The following LRMDA variants were observed in gnomAD, a reference collection of about 807,000 sequenced individuals.
LRMDA encodes leucine rich melanocyte differentiation associated, also known as leucine-rich melanocyte differentiation-associated protein.
LRMDA carries 18 observed loss-of-function variants against 29.8 expected under a neutral mutation model. That is an observed-to-expected ratio of 0.60 (90% confidence interval 0.42 to 0.90). The LOEUF is 0.90. Among genes scored for constraint, LRMDA ranks in the 40% least tolerant of loss-of-function variants. The probability of loss-of-function intolerance (pLI) is 0.00; values close to 1 mark genes in which losing one functional copy is unlikely to be tolerated. For missense variants in LRMDA, 273 were observed against 273.9 expected (o/e 1.00, Z 0.02); for synonymous variants, 125 against 109.4 (o/e 1.14, Z -0.89).
At chr10:75,712,163 C>T (rs1399150057) in intron 2 of LRMDA, among the ~76,000 whole-genome samples, 1 of 152,050 alleles carries the variant, frequency 6.6e-6, no homozygotes, top group Non-Finnish European at 1.5e-5. Flanking sequence ...GATTGAGCCT[C>T]CACCTGACTG....
intron 6 of LRMDA, among the ~76,000 whole-genome samples, chr10:76,384,935 G>A (rs1025878788): frequency 6.6e-6 from 1 of 152,218 alleles, no homozygotes; most frequent in Non-Finnish European, 1.5e-5. Context: ...TGGGTTGTCA[G>A]TTCCAGACGG....
intron 2 of LRMDA, among the ~76,000 whole-genome samples, chr10:75,529,769 T>C (rs1488445114): frequency 6.6e-6 from 1 of 152,216 alleles, no homozygotes; most frequent in Non-Finnish European, 1.5e-5. Flanking sequence ...TTTTATATCT[T>C]ACACAATTAT....
chr10:75,537,062 C>T (rs1413466735), intron 2 of LRMDA, among the ~76,000 whole-genome samples: 2 of 152,168 alleles, frequency 1.3e-5, no homozygotes, highest in African/African-American at 2.4e-5. Flanking sequence ...ACTCCCTTGC[C>T]TTACGTTCCG....
intron 2 of LRMDA, among the ~76,000 whole-genome samples, chr10:75,765,340 G>A (rs910174022): frequency 2.0e-5 from 3 of 151,998 alleles, no homozygotes; most frequent in African/African-American, 7.3e-5. Context: ...ACTAGTTATT[G>A]AGAGTGCTCA....
intron 2 of LRMDA, among the ~76,000 whole-genome samples, chr10:75,996,124 T>C (rs1175468196): frequency 6.6e-6 from 1 of 152,198 alleles, no homozygotes; most frequent in Non-Finnish European, 1.5e-5. Flanking sequence ...GTTTACACTT[T>C]GAAAGCCATT....
intron 2 of LRMDA, among the ~76,000 whole-genome samples, chr10:75,656,273 T>G (rs1841673338): frequency 6.6e-6 from 1 of 152,316 alleles, no homozygotes. Context: ...GGAGCCAGAT[T>G]GCTTGGCTCA....
intron 4 of LRMDA, among the ~76,000 whole-genome samples, chr10:76,058,258 C>G (rs1848647267): frequency 6.6e-6 from 1 of 152,098 alleles, no homozygotes; most frequent in Non-Finnish European, 1.5e-5. Context: ...TACAGATGAC[C>G]CATAGGAATG....
At chr10:75,965,863 C>G (rs931149610) in intron 2 of LRMDA, among the ~76,000 whole-genome samples, 7 of 152,302 alleles carry the variant, frequency 4.6e-5, no homozygotes, top group African/African-American at 1.7e-4. Flanking sequence ...TCATCCCTGG[C>G]TCCTTGACAC....
intron 2 of LRMDA, among the ~76,000 whole-genome samples, chr10:75,668,802 G>A (rs1841856108): frequency 6.6e-6 from 1 of 152,194 alleles, no homozygotes; most frequent in Non-Finnish European, 1.5e-5. Flanking sequence ...TGATGCTGAG[G>A]AATGTGGGGA....
chr10:76,059,020 G>A (rs1398619268), intron 5 of LRMDA, among the ~76,000 whole-genome samples: 2 of 152,176 alleles, frequency 1.3e-5, no homozygotes, highest in Non-Finnish European at 1.5e-5. Flanking sequence ...TTCTGTGGGG[G>A]ACTGCAGGTC....
At chr10:75,689,851 C>A (rs1462183549) in intron 2 of LRMDA, among the ~76,000 whole-genome samples, 1 of 152,194 alleles carries the variant, frequency 6.6e-6, no homozygotes, top group East Asian at 1.9e-4. Flanking sequence ...CAGGCTGCAG[C>A]CCGTCAGTTC....
chr10:75,756,678 T>C (rs571325811), intron 2 of LRMDA, among the ~76,000 whole-genome samples: 39 of 152,322 alleles, frequency 2.6e-4, no homozygotes, highest in African/African-American at 9.1e-4. Flanking sequence ...ATTTCTCCCC[T>C]AAGCCCTTTG....
chr10:76,121,265 A>C (rs1849780843), intron 5 of LRMDA, among the ~76,000 whole-genome samples: 1 of 152,062 alleles, frequency 6.6e-6, no homozygotes, highest in Non-Finnish European at 1.5e-5. Context: ...GAGTCCTCTA[A>C]TTCGCCTAGA....
chr10:75,602,840 T>C (rs1423734213), intron 2 of LRMDA, among the ~76,000 whole-genome samples: 1 of 152,212 alleles, frequency 6.6e-6, no homozygotes, highest in Non-Finnish European at 1.5e-5. Flanking sequence ...TTCACTTCTT[T>C]TATGAGTCTG....
intron 2 of LRMDA, among the ~76,000 whole-genome samples, chr10:75,953,608 G>T (rs1044578903): frequency 2.6e-5 from 4 of 152,092 alleles, no homozygotes; most frequent in African/African-American, 7.2e-5. Flanking sequence ...GCTACCCCTT[G>T]GTCAAAATGA....
intron 6 of LRMDA, among the ~76,000 whole-genome samples, chr10:76,547,828 C>T (rs1284959148): frequency 6.6e-6 from 1 of 152,110 alleles, no homozygotes; most frequent in African/African-American, 2.4e-5. Flanking sequence ...AAGGGATTCG[C>T]ATCCCATCTC....
At chr10:75,452,402 T>TG (rs1172738780) in intron 2 of LRMDA, among the ~76,000 whole-genome samples, 1 of 152,130 alleles carries the variant, frequency 6.6e-6, no homozygotes, top group Non-Finnish European at 1.5e-5. Context: ...TTTTGAGACT[T>TG]GGGGTCACAT....
intron 2 of LRMDA, among the ~76,000 whole-genome samples, chr10:75,444,508 G>A (rs964279048): frequency 6.6e-6 from 1 of 152,154 alleles, no homozygotes; most frequent in Non-Finnish European, 1.5e-5. Flanking sequence ...ACTGGATTGA[G>A]TTCTCTGGAC....
chr10:75,431,764 G>A lies in LRMDA; in HGVS notation c.30+10G>A. The A allele has an allele frequency of 7.3e-7, 1 of 1,365,586 alleles. No homozygotes were observed. The allele number at this position is 1,365,586 out of a possible 1,614,324, so 84.6% of individuals were successfully genotyped here. A position where few individuals can be genotyped will look rare whatever the true frequency, so the allele number is the denominator to read the frequency against. ...GGTGCGTGGAACTCAAGTAAGTCCC[G>A]GCCAGCCCCGCCTCCGCCCGGGGCG... is the stretch of plus-strand genomic sequence containing the variant. On this transcript the variant is annotated intron_variant, in intron 1 of 6. Transcript: ENST00000611255.
Sources: allele counts gnomAD v4.1 joint callset (sites outside exome capture counted in the v4.1 genomes callset), GRCh38; gene constraint gnomAD v4.1.1; transcripts MANE v1.5; gene names NCBI Gene and HGNC (gene_info 2026-07-23, HGNC 2026-07-21).